Variants in PARD3 observed in about 807,000 individuals in gnomAD.
PARD3 encodes partitioning defective 3 homolog.
Under a neutral mutation model 155.4 loss-of-function variants are expected in PARD3, and 75 were observed. The ratio of observed to expected loss-of-function variants is 0.48; its 90% CI spans 0.40 to 0.58. The LOEUF is 0.58. Ranked by LOEUF, PARD3 falls within the 20% of genes least tolerant of loss-of-function variation. The probability of loss-of-function intolerance (pLI) is 0.00; values close to 1 mark genes in which losing one functional copy is unlikely to be tolerated. For synonymous variants in PARD3, 576 were observed against 610.5 expected (o/e 0.94, Z 0.83); for missense variants, 1,642 against 1,721.7 (o/e 0.95, Z 0.82).
intron 1 of PARD3, among the ~76,000 whole-genome samples, chr10:34,712,805 G>A (rs140071060): frequency 6.6e-6 from 1 of 152,044 alleles, no homozygotes; most frequent in African/African-American, 2.4e-5. Context: ...TGGTTGAAAA[G>A]GTATTGGGTA....
chr10:34,556,555 TG>T (rs1247807503), intron 2 of PARD3, among the ~76,000 whole-genome samples: 1 of 152,008 alleles, frequency 6.6e-6, no homozygotes. Flanking sequence ...GCTAATTTTT[TG>T]TATTTTTAGT....
At chr10:34,145,223 T>TTTTTTTTTTTTA (rs1564430164) in intron 22 of PARD3, among the ~76,000 whole-genome samples, 43 of 61,708 alleles carry the variant, frequency 7.0e-4, no homozygotes, top group African/African-American at 4.3e-3. Flanking sequence ...ATATATATAT[T>TTTTTTTTTTTTA]TTTTTTTTTT....
chr10:34,488,478 T>C (rs1589753031), intron 3 of PARD3: 1 of 151,788 alleles, frequency 6.6e-6, no homozygotes, highest in South Asian at 2.1e-4. Flanking sequence ...GGGATGCAAA[T>C]GAATCTTCAT....
intron 15 of PARD3, chr10:34,343,708 T>TA (rs1274814977): frequency 2.8e-5 from 28 of 984,356 alleles, no homozygotes; most frequent in Non-Finnish European, 3.4e-5. Context: ...TTATGTTTGC[T>TA]AGTAGTTGGT....
At chr10:34,780,686 C>T (rs1010333214) in intron 1 of PARD3, among the ~76,000 whole-genome samples, 26 of 152,192 alleles carry the variant, frequency 1.7e-4, no homozygotes, top group African/African-American at 6.3e-4. Context: ...TTTCTTTTCT[C>T]TTGCCGCAGT....
chr10:34,130,229 C>G (rs1947534024), intron 23 of PARD3, among the ~76,000 whole-genome samples: 1 of 152,116 alleles, frequency 6.6e-6, no homozygotes, highest in Non-Finnish European at 1.5e-5. Context: ...CCCCTAGATC[C>G]TGAGCCCTCT....
chr10:34,688,514 G>A (rs190162150), intron 2 of PARD3, among the ~76,000 whole-genome samples: 186 of 152,336 alleles, frequency 1.2e-3, no homozygotes, highest in Non-Finnish European at 2.2e-3. Flanking sequence ...AGAAAACTGA[G>A]ACTGAGATGC....
intron 22 of PARD3, among the ~76,000 whole-genome samples, chr10:34,182,623 GTTCCAT>G (rs1258915266): frequency 6.6e-6 from 1 of 151,528 alleles, no homozygotes; most frequent in Non-Finnish European, 1.5e-5. Context: ...TAACCTATCT[GTTCCAT>G]TGTGATATCA....
chr10:34,376,781 ATATATGAAAC>A (rs149738676), intron 10 of PARD3, among the ~76,000 whole-genome samples: 16,329 of 152,192 alleles, frequency 0.11, 1,738 homozygotes, highest in African/African-American at 0.28. Flanking sequence ...GATAGAAACC[ATATATGAAAC>A]TATAAGAAAA....
rs185670788 is a variant in PARD3, at chr10:34,362,688, T to C, written c.1708-2429A>G. ...TTTTTGTATTTCTTTAGAGATGGGG[T>C]TTCACCATGTTGGCCAGGCTGGTTT... On this transcript the variant is annotated intron_variant, in intron 12 of 24. Transcript: ENST00000374788. 6.6e-5 allele frequency among the ~76,000 whole-genome samples: 10 copies of C among 152,204 alleles called. No individual in the cohort carries two copies. In the East Asian group the frequency reaches 1.2e-3, roughly 18 times the overall value.
chr10:34,313,520 C>T (rs1180394270), intron 20 of PARD3, among the ~76,000 whole-genome samples: 1 of 152,176 alleles, frequency 6.6e-6, no homozygotes, highest in East Asian at 1.9e-4. Context: ...ATATGACTCA[C>T]ATTCTTTCCT....
chr10:34,255,693 T>C (rs1954618678), intron 22 of PARD3, among the ~76,000 whole-genome samples: 1 of 152,212 alleles, frequency 6.6e-6, no homozygotes. Context: ...TAAATAACAC[T>C]TTTCTTCATG....
intron 4 of PARD3, among the ~76,000 whole-genome samples, chr10:34,456,801 G>A (rs1214916813): frequency 6.6e-6 from 1 of 152,004 alleles, no homozygotes; most frequent in Non-Finnish European, 1.5e-5. Flanking sequence ...ATTCTGACCT[G>A]AAAAATGAAC....
At chr10:34,736,432 G>C (rs1040567978) in intron 1 of PARD3, among the ~76,000 whole-genome samples, 1 of 149,386 alleles carries the variant, frequency 6.7e-6, no homozygotes, top group African/African-American at 2.5e-5. Context: ...GTGCTCCAGT[G>C]ATCCTCCCAC....
intron 2 of PARD3, among the ~76,000 whole-genome samples, chr10:34,557,000 A>G (rs2085057208): frequency 6.6e-6 from 1 of 152,184 alleles, no homozygotes; most frequent in Admixed American, 6.5e-5. Flanking sequence ...GTGGTAAAGG[A>G]AGGTATAACT....
intron 2 of PARD3, among the ~76,000 whole-genome samples, chr10:34,640,116 G>A (rs1194521654): frequency 6.6e-6 from 1 of 152,140 alleles, no homozygotes. Flanking sequence ...ACTGAAGAAA[G>A]AACAAGCGAG....
At chr10:34,623,068 G>C (rs2091784449) in intron 2 of PARD3, among the ~76,000 whole-genome samples, 1 of 152,038 alleles carries the variant, frequency 6.6e-6, no homozygotes, top group Non-Finnish European at 1.5e-5. Flanking sequence ...TCTGGCCCCT[G>C]AAGGCAGAGT....
chr10:34,120,992 A>G (rs1946966621), intron 23 of PARD3, among the ~76,000 whole-genome samples: 2 of 151,508 alleles, frequency 1.3e-5, no homozygotes, highest in South Asian at 4.2e-4. Context: ...TAGGAGATTG[A>G]GGCTGCAGTA....
At chr10:34,409,072 T>TA (rs1410635757) in intron 5 of PARD3, among the ~76,000 whole-genome samples, 1 of 152,148 alleles carries the variant, frequency 6.6e-6, no homozygotes, top group Non-Finnish European at 1.5e-5. Flanking sequence ...ACCAGATTCC[T>TA]ACTATTCTTA....
Sources: allele counts gnomAD v4.1 joint callset (sites outside exome capture counted in the v4.1 genomes callset), GRCh38; gene constraint gnomAD v4.1.1; transcripts MANE v1.5; gene names NCBI Gene and HGNC (gene_info 2026-07-23, HGNC 2026-07-21).